MYBL2: variants seen among roughly 807,000 people sequenced by gnomAD.
The protein encoded by MYBL2 is myb-related protein B.
In MYBL2, 28 loss-of-function variants were observed where a neutral mutation model predicts 79.9. The ratio of observed to expected loss-of-function variants is 0.35; its 90% CI spans 0.26 to 0.48. MYBL2 has a LOEUF of 0.48. Among genes scored for constraint, MYBL2 ranks in the 20% least tolerant of loss-of-function variants. MYBL2 has a pLI of 0.99. For synonymous variants in MYBL2, 378 were observed against 361.2 expected, an observed-to-expected ratio of 1.05 and a Z score of -0.53; for missense variants, 735 against 893.9, an observed-to-expected ratio of 0.82 and a Z score of 2.27.
chr20:43,704,610 G>C lies in MYBL2; in HGVS notation c.1366-609G>C, dbSNP rs114161186. On this transcript the variant is annotated intron_variant, in intron 8 of 13. Coordinates refer to ENST00000217026, the MANE Select transcript of MYBL2 (RefSeq NM_002466.4). ...ACCTTCAGGGCAGGGAGGGAAGAGA[G>C]CGGGGTGCTTCAAAGGATGGATGTT... Among the ~76,000 whole-genome samples the C allele has an allele frequency of 8.3e-3, 1,269 of 152,282 alleles. 17 individuals carry two copies. The highest frequency in any genetic ancestry group is 0.029 in the African/African-American group (1,192 of 41,562).
chr20:43,698,265 G>T (rs573849300), intron 6 of MYBL2, among the ~76,000 whole-genome samples: 8 of 151,044 alleles, frequency 5.3e-5, no homozygotes, highest in African/African-American at 1.9e-4. Flanking sequence ...GCCCAGGCTG[G>T]TCTCGAACTC....
Position 43,692,211 on chromosome 20 carries a change from C to T in MYBL2, c.555C>T (p.Asp185=), listed in dbSNP as rs1987428880. 6.2e-7 allele frequency: 1 copy of T among 1,614,048 alleles called. No homozygotes were observed. Among genetic ancestry groups the T allele is most frequent in the African/African-American group, 1.3e-5 (1 of 74,922 alleles). ...HWNSTIKRKV[D]TGGFLSESKD... is the part of the protein sequence containing the mutation. ...ACTCTACCATCAAAAGGAAGGTGGA[C>T]ACAGGAGGCTTCTTGAGCGAGTCCA... The change falls in exon 6 of 14, where the codon GAC becomes GAT. Residue 185 remains aspartate, a synonymous_variant. Coordinates refer to ENST00000217026, the MANE Select transcript of MYBL2 (RefSeq NM_002466.4).
intron 7 of MYBL2, among the ~76,000 whole-genome samples, chr20:43,702,059 GGAGGTTGCAGTGAGCC>G (rs1357094208): frequency 6.6e-6 from 1 of 152,146 alleles, no homozygotes; most frequent in Non-Finnish European, 1.5e-5. Flanking sequence ...CCCGGAAGGC[GGAGGTTGCAGTGAGCC>G]GAGGTTGCAC....
intron 9 of MYBL2, among the ~76,000 whole-genome samples, chr20:43,708,231 C>T (rs1349955623): frequency 6.6e-6 from 1 of 152,130 alleles, no homozygotes; most frequent in Non-Finnish European, 1.5e-5. Context: ...TTCTAACTAG[C>T]TGAGAACACA....
intron 8 of MYBL2, 21 bp from the exon 9 acceptor site, chr20:43,705,198 T>TCC: frequency 6.2e-7 from 1 of 1,612,772 alleles, no homozygotes; most frequent in Non-Finnish European, 8.5e-7. Context: ...TTTGTCTTGT[T>TCC]CCCTCTCTCT....
intron 10 of MYBL2, 145 bp from the exon 11 acceptor site, chr20:43,711,343 T>C: frequency 1.6e-6 from 1 of 613,614 alleles, no homozygotes; most frequent in Non-Finnish European, 3.0e-6. Flanking sequence ...TTGTGAATGG[T>C]GCGTGTGAGA....
At chr20:43,680,483 A>G (rs1987117276) in intron 2 of MYBL2, among the ~76,000 whole-genome samples, 1 of 151,864 alleles carries the variant, frequency 6.6e-6, no homozygotes, top group Non-Finnish European at 1.5e-5. Flanking sequence ...TATATGCATG[A>G]CATTTTCTTT....
intron 1 of MYBL2, among the ~76,000 whole-genome samples, chr20:43,670,354 A>G (rs1053610253): frequency 2.6e-5 from 4 of 152,172 alleles, no homozygotes. Context: ...AGGACCCATG[A>G]ACTGGGTCAG....
chr20:43,667,336 C>A (rs989318541), intron 1 of MYBL2, 33 bp downstream of exon 1: 8 of 1,227,052 alleles, frequency 6.5e-6, no homozygotes, highest in South Asian at 4.1e-5. Flanking sequence ...GGGCCCCTCC[C>A]CCTCCCTTTA....
intron 1 of MYBL2, among the ~76,000 whole-genome samples, chr20:43,669,682 C>G (rs1986813496): frequency 6.6e-6 from 1 of 152,198 alleles, no homozygotes; most frequent in African/African-American, 2.4e-5. Context: ...GCTCTATGAA[C>G]TTGGCAGGTG....
rs192815260 is a variant in MYBL2 at position 43,687,434 on chromosome 20, C to G, written c.500+362C>G. Among the ~76,000 whole-genome samples, 12 of 152,300 alleles carry G rather than the reference C, an allele frequency of 7.9e-5. No homozygotes were observed. In the East Asian group the frequency reaches 1.9e-3, roughly 24 times the overall value. On this transcript the variant is annotated intron_variant, in intron 5 of 13. Transcript: ENST00000217026. ...AGGCTTGAGATGTGGGATAGATGGG[C>G]TTTCTTTAAGAAGAAAATGATCAAA...
At chr20:43,688,823 C>T (rs1053300091) in intron 5 of MYBL2, among the ~76,000 whole-genome samples, 1 of 151,798 alleles carries the variant, frequency 6.6e-6, no homozygotes, top group South Asian at 2.1e-4. Flanking sequence ...GAATTTCGCT[C>T]TTATCACCCA....
At position 43,692,230 on chromosome 20, in the gene MYBL2, G is replaced by A. The variant is rs761701038; in HGVS notation, c.574G>A (p.Glu192Lys). ...GGTGGACACAGGAGGCTTCTTGAGCGAGTCCAAAGACTGCAAGCCCCCAGT... is the reference window on the plus strand; with the variant it reads ...GGTGGACACAGGAGGCTTCTTGAGCAAGTCCAAAGACTGCAAGCCCCCAGT... ...RKVDTGGFLS[E>K]SKDCKPPVYL... is the part of the protein sequence containing the mutation. The change falls in exon 6 of 14, where the codon GAG becomes AAG. Residue 192 changes from glutamate to lysine, a missense_variant. This residue lies in a region of MYBL2 where 144 missense variants were observed against 131.9 expected (regional missense o/e 1.09). Transcript: ENST00000217026. The A allele has an allele frequency of 5.0e-6, 8 of 1,614,064 alleles. No individual in the cohort carries two copies. The highest frequency in any genetic ancestry group is 1.7e-5 in the Admixed American group (1 of 59,990).
intron 1 of MYBL2, 36 bp from the exon 2 acceptor site, chr20:43,673,770 A>G: frequency 6.4e-7 from 1 of 1,568,990 alleles, no homozygotes; most frequent in South Asian, 1.2e-5. Context: ...ACATATGGAC[A>G]CACCATCCTT....
At chr20:43,684,157 G>A (rs1238191725) in intron 4 of MYBL2, among the ~76,000 whole-genome samples, 1 of 151,426 alleles carries the variant, frequency 6.6e-6, no homozygotes, top group African/African-American at 2.4e-5. Flanking sequence ...GAACTTCTGG[G>A]CTCAAATGAT....
chr20:43,703,999 G>A (rs1987726927), intron 8 of MYBL2, among the ~76,000 whole-genome samples: 3 of 151,996 alleles, frequency 2.0e-5, no homozygotes, highest in Admixed American at 6.6e-5. Flanking sequence ...TTGGATTAGG[G>A]CCCACTCTAA....
rs544769204 is a variant in MYBL2, at chr20:43,705,826, G to A, written c.1505+468G>A. Among the ~76,000 whole-genome samples, 102 of 151,804 alleles carry A rather than the reference G, an allele frequency of 6.7e-4. 1 individual carries two copies. The South Asian group carries it at 0.011, about 17-fold the overall frequency. Reference sequence around the variant, plus strand: ...TGCCATTCTCCTGCCTCAGCCTCCCGAGTAGCTAGGACTACAGGCATCCGC... The same window carrying A: ...TGCCATTCTCCTGCCTCAGCCTCCCAAGTAGCTAGGACTACAGGCATCCGC... On this transcript the variant is annotated intron_variant, in intron 9 of 13. Transcript: ENST00000217026.
chr20:43,691,963 G>A lies in MYBL2; in HGVS notation c.501-194G>A, dbSNP rs1251844971. On this transcript the variant is annotated intron_variant, in intron 5 of 13. Coordinates refer to ENST00000217026, the MANE Select transcript of MYBL2 (RefSeq NM_002466.4). ...TCAGTTGCTTATTTCACAGAGCTTCGTGGAAATGCTCTGTAAATTATTAGG... is the reference window on the plus strand; with the variant it reads ...TCAGTTGCTTATTTCACAGAGCTTCATGGAAATGCTCTGTAAATTATTAGG... 2.0e-5 allele frequency among the ~76,000 whole-genome samples: 3 copies of A among 151,794 alleles called. No homozygotes were observed. In the South Asian group the frequency reaches 6.2e-4, roughly 31 times the overall value.
intron 9 of MYBL2, among the ~76,000 whole-genome samples, chr20:43,706,950 G>T (rs1987801823): frequency 6.6e-6 from 1 of 151,288 alleles, no homozygotes; most frequent in Non-Finnish European, 1.5e-5. Context: ...TCCTGACCTT[G>T]TGATCCACTC....
Sources: gnomAD v4.1 joint callset for allele counts (sites outside exome capture counted in the v4.1 genomes callset) on GRCh38, gnomAD v4.1.1 for gene constraint, gnomAD v4.1.1 regional missense constraint, MANE v1.5 for transcripts, NCBI Gene and HGNC (gene_info 2026-07-23, HGNC 2026-07-21) for gene names.